LAMA2: variants seen among roughly 807,000 people sequenced by gnomAD.
LAMA2 encodes the protein laminin subunit alpha 2.
Under a neutral mutation model 364.8 loss-of-function variants are expected in LAMA2, and 269 were observed. That is an observed-to-expected ratio of 0.74 (90% CI 0.67 to 0.82). LAMA2 has a LOEUF of 0.82. Ranked by LOEUF, LAMA2 falls within the 40% of genes least tolerant of loss-of-function variation. The probability of loss-of-function intolerance (pLI) is 0.00; values close to 1 mark genes in which losing one functional copy is unlikely to be tolerated. For synonymous variants in LAMA2, 1,379 were observed against 1,370.6 expected, an observed-to-expected ratio of 1.01 and a Z score of -0.14; for missense variants, 3,807 against 3,873.2, an observed-to-expected ratio of 0.98 and a Z score of 0.45.
At chr6:129,300,628 A>T in intron 21 of LAMA2, 108 bp from the exon 22 acceptor site, 1 of 1,107,146 alleles carries the variant, frequency 9.0e-7, no homozygotes, top group Non-Finnish European at 1.4e-6. Flanking sequence ...CCTTAAGTGT[A>T]GAACTGAAAA....
intron 28 of LAMA2, 145 bp downstream of exon 28, chr6:129,320,800 G>C (rs1208185160): frequency 2.2e-5 from 15 of 687,088 alleles, no homozygotes; most frequent in Non-Finnish European, 2.4e-5. Flanking sequence ...AGTGGCAAGA[G>C]GATAATGTTA....
At chr6:129,061,014 TTAA>T (rs1403180123) in intron 3 of LAMA2, among the ~76,000 whole-genome samples, 1 of 152,086 alleles carries the variant, frequency 6.6e-6, no homozygotes, top group African/African-American at 2.4e-5. Flanking sequence ...CAGTCCTGAG[TTAA>T]TAATATTTCT....
intron 1 of LAMA2, among the ~76,000 whole-genome samples, chr6:128,891,043 ACATGTACCATTTACAG>A (rs1477145378): frequency 6.6e-6 from 1 of 152,120 alleles, no homozygotes; most frequent in Non-Finnish European, 1.5e-5. Context: ...GCACCAGTGC[ACATGTACCATTTACAG>A]CCTAGCACTC....
chr6:128,925,670 G>A (rs1275487653), intron 1 of LAMA2, among the ~76,000 whole-genome samples: 2 of 152,126 alleles, frequency 1.3e-5, no homozygotes, highest in Admixed American at 6.5e-5. Context: ...TATGTTATGT[G>A]TATTTTACAA....
chr6:129,188,337 A>C (rs931004898), intron 10 of LAMA2, among the ~76,000 whole-genome samples: 2 of 151,884 alleles, frequency 1.3e-5, no homozygotes, highest in Non-Finnish European at 2.9e-5. Context: ...GCTAAAATGG[A>C]GCTAAGGAAA....
chr6:129,364,501 C>A (rs1038548925), intron 32 of LAMA2, among the ~76,000 whole-genome samples: 1 of 152,120 alleles, frequency 6.6e-6, no homozygotes, highest in African/African-American at 2.4e-5. Flanking sequence ...TGCTCCTTGG[C>A]GTGCAGATAC....
intron 1 of LAMA2, among the ~76,000 whole-genome samples, chr6:128,936,552 T>A (rs999942053): frequency 1.3e-5 from 2 of 152,180 alleles, no homozygotes; most frequent in African/African-American, 2.4e-5. Flanking sequence ...GACACCTACA[T>A]ATAGTATGCT....
At chr6:129,046,053 G>C (rs1311190223) in intron 1 of LAMA2, among the ~76,000 whole-genome samples, 2 of 152,208 alleles carry the variant, frequency 1.3e-5, no homozygotes, top group African/African-American at 2.4e-5. Flanking sequence ...GATGGAGCTA[G>C]ACTGCTTAAA....
chr6:129,423,974 A>C (rs1402050315), intron 40 of LAMA2, among the ~76,000 whole-genome samples: 1 of 152,096 alleles, frequency 6.6e-6, no homozygotes, highest in Non-Finnish European at 1.5e-5. Flanking sequence ...ACCTGACTTC[A>C]ATACTTACTA....
chr6:129,012,269 C>G (rs765608113), intron 1 of LAMA2, among the ~76,000 whole-genome samples: 11 of 152,028 alleles, frequency 7.2e-5, no homozygotes, highest in Non-Finnish European at 1.3e-4. Context: ...ATACATTTCC[C>G]TATTTTTGTG....
At chr6:129,219,457 C>A (rs1783647550) in intron 12 of LAMA2, among the ~76,000 whole-genome samples, 1 of 151,688 alleles carries the variant, frequency 6.6e-6, no homozygotes, top group African/African-American at 2.4e-5. Flanking sequence ...TACCATTTGA[C>A]CCAGCCATCC....
At chr6:128,909,345 G>T (rs1408287286) in intron 1 of LAMA2, among the ~76,000 whole-genome samples, 1 of 152,002 alleles carries the variant, frequency 6.6e-6, no homozygotes, top group African/African-American at 2.4e-5. Flanking sequence ...ATATATTTAG[G>T]TTAGTTAGCT....
chr6:129,434,463 G>A (rs73774882), intron 41 of LAMA2, among the ~76,000 whole-genome samples: 3,883 of 152,212 alleles, frequency 0.026, 167 homozygotes, highest in African/African-American at 0.088. Context: ...TAGAGAGAAA[G>A]TAGAATGACT....
chr6:129,168,854 G>T (rs1329539555), intron 9 of LAMA2, among the ~76,000 whole-genome samples: 1 of 144,424 alleles, frequency 6.9e-6, no homozygotes, highest in Non-Finnish European at 1.5e-5. Flanking sequence ...GCAGTGGTTT[G>T]TAGTTCTCCT....
intron 63 of LAMA2, among the ~76,000 whole-genome samples, chr6:129,514,074 C>T (rs1786822621): frequency 6.6e-6 from 1 of 152,130 alleles, no homozygotes; most frequent in Admixed American, 6.6e-5. Context: ...ACACTAGGTC[C>T]TTTTCTTGTC....
At chr6:129,298,150 A>ACTCAGTAAAAAT in intron 21 of LAMA2, among the ~76,000 whole-genome samples, 3 of 152,264 alleles carry the variant, frequency 2.0e-5, no homozygotes, top group Admixed American at 6.5e-5. Flanking sequence ...AAACACTGCT[A>ACTCAGTAAAAAT]CGGCTTGAAA....
intron 1 of LAMA2, among the ~76,000 whole-genome samples, chr6:128,985,507 A>G (rs1300169038): frequency 1.3e-5 from 2 of 152,192 alleles, no homozygotes; most frequent in African/African-American, 4.8e-5. Context: ...ACAAGAACAA[A>G]ACAAAAGAAA....
intron 40 of LAMA2, among the ~76,000 whole-genome samples, chr6:129,404,291 G>A (rs1277210419): frequency 1.3e-5 from 2 of 151,092 alleles, no homozygotes; most frequent in African/African-American, 4.9e-5. Flanking sequence ...TAGTAAAAAA[G>A]AAAAAAAAGT....
At chr6:129,397,684 G>A (rs1433569011) in intron 37 of LAMA2, among the ~76,000 whole-genome samples, 4 of 151,838 alleles carry the variant, frequency 2.6e-5, no homozygotes, top group African/African-American at 9.7e-5. Context: ...GGGAGGCTGA[G>A]GCAGGAGGAT....
Sources: allele counts gnomAD v4.1 joint callset (sites outside exome capture counted in the v4.1 genomes callset), GRCh38; gene constraint gnomAD v4.1.1; transcripts MANE v1.5; gene names NCBI Gene and HGNC (gene_info 2026-07-23, HGNC 2026-07-21).